Variants in CEP68 observed in about 807,000 individuals in gnomAD.
CEP68 encodes the protein centrosomal protein 68, also known as centrosomal protein of 68 kDa.
Under a neutral mutation model 55.3 loss-of-function variants are expected in CEP68, and 26 were observed. The observed-to-expected ratio is 0.47, with a 90% CI of 0.34 to 0.65. The LOEUF is 0.65. CEP68 is among the 30% of genes least tolerant of loss of function. CEP68 has a pLI of 0.01. For synonymous variants in CEP68, 402 were observed against 383.2 expected (o/e 1.05, Z -0.57); for missense variants, 957 against 946.7 (o/e 1.01, Z -0.14).
chr2:65,062,233 T>C (rs1675943220), intron 1 of CEP68, among the ~76,000 whole-genome samples: 1 of 152,154 alleles, frequency 6.6e-6, no homozygotes, highest in Non-Finnish European at 1.5e-5. Flanking sequence ...CAAAGGGAGC[T>C]CACGACTTAA....
At chr2:65,059,581 C>T (rs1558552697) in intron 1 of CEP68, among the ~76,000 whole-genome samples, 3 of 152,120 alleles carry the variant, frequency 2.0e-5, no homozygotes, top group Admixed American at 1.3e-4. Context: ...TTTCTAATGT[C>T]CTGTTGCAAA....
intron 1 of CEP68, among the ~76,000 whole-genome samples, chr2:65,057,739 T>A (rs1441987139): frequency 6.6e-6 from 1 of 152,222 alleles, no homozygotes; most frequent in Non-Finnish European, 1.5e-5. Flanking sequence ...TTGAGCGAGT[T>A]ATTCTTACAG....
At chr2:65,082,098 C>T (rs898558146) in intron 5 of CEP68, among the ~76,000 whole-genome samples, 2 of 152,216 alleles carry the variant, frequency 1.3e-5, no homozygotes, top group Admixed American at 6.5e-5. Context: ...AAATAACATT[C>T]TTCCCAGCCA....
In CEP68 at chr2:65,071,557, A is replaced by C; in HGVS notation, c.461A>C (p.Asp154Ala). 1 of 1,614,128 alleles carries C rather than the reference A, an allele frequency of 6.2e-7. No homozygotes were observed. The highest frequency in any genetic ancestry group is 8.5e-7 in the Non-Finnish European group (1 of 1,180,018). ...GGACATGATGCTGATACCGAAGATG[A>C]TCCATCCCTAGCAGATTTGCCCCAG... The part of the protein sequence containing the change: ...CSGHDADTED[D>A]PSLADLPQAL... The change falls in exon 3 of 7, where the codon GAT (aspartate) becomes GCT (alanine). Residue 154 changes from aspartate (D) to alanine (A), a missense_variant. Physicochemically the swap from Asp to Ala is moderately radical, Grantham distance 126. Coordinates refer to ENST00000377990, the MANE Select transcript of CEP68 (RefSeq NM_015147.3).
chr2:65,084,477 G>A lies in CEP68; in HGVS notation c.*843G>A, dbSNP rs1668970407. The A allele has an allele frequency of 6.6e-6, 1 of 151,694 alleles. No individual in the cohort carries two copies. Among genetic ancestry groups the A allele is most frequent in the Non-Finnish European group, 1.5e-5 (1 of 67,930 alleles). 9.4% of individuals were successfully genotyped at this position (151,694 alleles called of 1,614,324 possible). ...GAAGCTGTCAATAGTGAAGGAAAAA[G>A]GGGAATTCTTCGTTGCTTTGGCATT... On this transcript the variant is annotated 3_prime_UTR_variant, in exon 7 of 7. Transcript: ENST00000377990.
chr2:65,056,930 C>A (rs1309968584), intron 1 of CEP68, among the ~76,000 whole-genome samples: 1 of 152,200 alleles, frequency 6.6e-6, no homozygotes, highest in Non-Finnish European at 1.5e-5. Flanking sequence ...CTCTCCCGGG[C>A]GTGGGCTGTT....
In CEP68 at chr2:65,056,422, G is replaced by T. The variant is rs999104010; in HGVS notation, c.-153G>T. 3.3e-5 allele frequency: 5 copies of T among 152,386 alleles called. No homozygotes were observed. Among genetic ancestry groups the T allele is most frequent in the Admixed American group, 2.6e-4 (4 of 15,292 alleles). 9.4% of individuals were successfully genotyped at this position (152,386 alleles called of 1,614,324 possible). A position where few individuals can be genotyped will look rare whatever the true frequency, so the allele number is the denominator to read the frequency against. On this transcript the variant is annotated 5_prime_UTR_variant, in exon 1 of 7. Transcript: ENST00000377990. The stretch of plus-strand genomic sequence containing the variant: ...GCTCGGTCCTGCCCTGCGCGTTTTG[G>T]GCTGCGGTTGGAGGGCCGCAGTTGC...
In CEP68 at chr2:65,082,715, T is replaced by G. The variant is rs1339323620; in HGVS notation, c.*4+6T>G. The G allele has an allele frequency of 4.6e-6, 7 of 1,537,958 alleles. No individual in the cohort carries two copies. The highest frequency in any genetic ancestry group is 6.1e-6 in the Non-Finnish European group (7 of 1,148,746). On this transcript the variant is annotated splice_donor_region_variant and intron_variant, in intron 6 of 6. Coordinates refer to ENST00000377990, the MANE Select transcript of CEP68 (RefSeq NM_015147.3). ...ATGTGAAGGGGTTTAACCTGGTAAGTGGAGGAACTCAAAAAGAAAATTTGC... is the reference window on the plus strand; with the variant it reads ...ATGTGAAGGGGTTTAACCTGGTAAGGGGAGGAACTCAAAAAGAAAATTTGC...
intron 3 of CEP68, 58 bp from the exon 4 acceptor site, chr2:65,074,224 A>G (rs910007885): frequency 2.5e-6 from 4 of 1,591,926 alleles, no homozygotes; most frequent in African/African-American, 2.7e-5. Flanking sequence ...TAGCCTTTTG[A>G]TAACATAAAT....
chr2:65,077,290 G>A (rs932350905), intron 4 of CEP68, among the ~76,000 whole-genome samples: 15 of 152,140 alleles, frequency 9.9e-5, no homozygotes, highest in African/African-American at 3.4e-4. Context: ...GAGCCACCGC[G>A]CCTGGCTGAC....
In CEP68 at chr2:65,071,732, G is replaced by T. The variant is rs765752751; in HGVS notation, c.636G>T (p.Glu212Asp). ...STGSSLQGHQ[E>D]RAEPRGGSLA... The stretch of plus-strand genomic sequence containing the variant: ...GCAGCAGTCTCCAGGGTCACCAGGA[G>T]AGGGCGGAGCCTCGTGGTGGTTCTC... Residue 212 changes from glutamate (E) to aspartate (D), a missense_variant, in exon 3 of 7, where the codon GAG becomes GAT. Transcript: ENST00000377990. 1 of 1,614,050 alleles carries T rather than the reference G, an allele frequency of 6.2e-7. No homozygotes were observed. The highest frequency in any genetic ancestry group is 2.2e-5 in the East Asian group (1 of 44,870).
rs143870852 is a variant in CEP68 at position 65,071,886 on chromosome 2, A to G, written c.790A>G (p.Arg264Gly). The G allele has an allele frequency of 5.6e-5, 90 of 1,612,026 alleles. No individual in the cohort carries two copies. In the African/African-American group the frequency reaches 1.1e-3, roughly 20 times the overall value. ...TGGGGGTGATGCTTCTGGGCTAGGC[A>G]GGAGACGCCTCTCCTTCCAGGCTGA... ...FSGGDASGLG[R>G]RRLSFQAEYW... Residue 264 changes from arginine (R) to glycine (G), a missense_variant, in exon 3 of 7, where the codon AGG (arginine) becomes GGG (glycine). Arg to Gly is a moderately radical substitution (Grantham distance 125). Transcript: ENST00000377990.
At chr2:65,062,331 C>T (rs182626494) in intron 1 of CEP68, among the ~76,000 whole-genome samples, 47 of 152,236 alleles carry the variant, frequency 3.1e-4, no homozygotes, top group African/African-American at 1.1e-3. Flanking sequence ...GCCGGGAGTT[C>T]GAGAGCAGCC....
intron 1 of CEP68, among the ~76,000 whole-genome samples, chr2:65,068,872 C>G (rs1392861382): frequency 1.3e-5 from 2 of 152,182 alleles, no homozygotes; most frequent in Non-Finnish European, 2.9e-5. Context: ...CCTGCCTCCT[C>G]TGCCAGGCAG....
intron 5 of CEP68, 123 bp downstream of exon 5, chr2:65,078,087 G>A (rs979603163): frequency 4.6e-5 from 30 of 655,170 alleles, no homozygotes; most frequent in Non-Finnish European, 7.1e-5. Context: ...CCCACTGCCC[G>A]AGATGCCCCA....
intron 1 of CEP68, among the ~76,000 whole-genome samples, chr2:65,058,830 C>G (rs953548900): frequency 6.6e-6 from 1 of 152,064 alleles, no homozygotes; most frequent in Non-Finnish European, 1.5e-5. Flanking sequence ...TTAAACATCC[C>G]TTTAGCCTTT....
intron 1 of CEP68, among the ~76,000 whole-genome samples, chr2:65,060,769 T>C (rs1451377656): frequency 6.6e-6 from 1 of 152,190 alleles, no homozygotes; most frequent in Non-Finnish European, 1.5e-5. Flanking sequence ...TACATTGAGC[T>C]TTGTTACACA....
chr2:65,073,340 GCCTT>G (rs1676595678), intron 3 of CEP68: 1 of 346,346 alleles, frequency 2.9e-6, no homozygotes, highest in East Asian at 7.5e-5. Context: ...GTGCACAGAT[GCCTT>G]TAGGAAACAC....
intron 1 of CEP68, among the ~76,000 whole-genome samples, chr2:65,066,921 G>A (rs1676216888): frequency 6.7e-6 from 1 of 150,156 alleles, no homozygotes; most frequent in African/African-American, 2.5e-5. Context: ...GCAACAGAGT[G>A]AGACTCTGTC....
Sources: gnomAD v4.1 joint callset for allele counts (sites outside exome capture counted in the v4.1 genomes callset) on GRCh38, gnomAD v4.1.1 for gene constraint, MANE v1.5 for transcripts, NCBI Gene and HGNC (gene_info 2026-07-23, HGNC 2026-07-21) for gene names.